DSCAM: variants seen among roughly 807,000 people sequenced by gnomAD.
DSCAM encodes DS cell adhesion molecule, also known as cell adhesion molecule DSCAM.
In DSCAM, 47 loss-of-function variants were observed where a neutral mutation model predicts 217.7. The observed-to-expected ratio is 0.22, with a 90% CI of 0.17 to 0.28. The LOEUF (loss-of-function observed/expected upper bound fraction) is 0.28. Among genes scored for constraint, DSCAM ranks in the 10% least tolerant of loss-of-function variants. The pLI is 1.00. For missense variants in DSCAM, 2,080 were observed against 2,618.3 expected (o/e 0.79, Z 4.49); for synonymous variants, 1,056 against 1,015.3 (o/e 1.04, Z -0.76).
chr21:40,533,677 C>G (rs1422283118), intron 3 of DSCAM, among the ~76,000 whole-genome samples: 1 of 149,492 alleles, frequency 6.7e-6, no homozygotes, highest in Non-Finnish European at 1.5e-5. Context: ...ATCCATCTGT[C>G]CATCCATCCA....
chr21:40,644,996 G>GA (rs1226402590), intron 3 of DSCAM, among the ~76,000 whole-genome samples: 11 of 152,130 alleles, frequency 7.2e-5, no homozygotes, highest in African/African-American at 2.6e-4. Context: ...AAAGATTCAA[G>GA]AAAAAAACAC....
At chr21:40,485,294 G>T (rs1316687670) in intron 3 of DSCAM, among the ~76,000 whole-genome samples, 1 of 144,368 alleles carries the variant, frequency 6.9e-6, no homozygotes, top group Non-Finnish European at 1.5e-5. Flanking sequence ...GCTGGAGTGA[G>T]TGCAGTGGCG....
intron 1 of DSCAM, among the ~76,000 whole-genome samples, chr21:40,824,036 G>A (rs553443351): frequency 3.9e-5 from 6 of 152,080 alleles, no homozygotes; most frequent in South Asian, 2.1e-4. Context: ...TTAGTTTAAC[G>A]GTAAACTCAC....
chr21:40,575,972 A>G (rs1261680148), intron 3 of DSCAM, among the ~76,000 whole-genome samples: 2 of 152,238 alleles, frequency 1.3e-5, no homozygotes, highest in Admixed American at 1.3e-4. Context: ...GTTAAAATTT[A>G]AAATACTGTT....
At chr21:40,697,821 G>A (rs764608224) in intron 2 of DSCAM, among the ~76,000 whole-genome samples, 3 of 152,124 alleles carry the variant, frequency 2.0e-5, no homozygotes, top group Non-Finnish European at 4.4e-5. Flanking sequence ...GCATTTCGGA[G>A]TCTTTTGTGG....
rs531298248 is a variant in DSCAM at position 40,233,042 on chromosome 21, T to C, written c.2356+43055A>G. On this transcript the variant is annotated intron_variant, in intron 11 of 32. Coordinates refer to ENST00000400454, the MANE Select transcript of DSCAM (RefSeq NM_001389.5). Reference sequence around the variant, plus strand: ...TAATCAAAAATCTCTTCACGTGAGATAACGGAGAGGATCAGAAAAAACACC... The same window carrying C: ...TAATCAAAAATCTCTTCACGTGAGACAACGGAGAGGATCAGAAAAAACACC... Among the ~76,000 whole-genome samples the C allele has an allele frequency of 3.4e-3, 514 of 152,244 alleles. 3 individuals carry two copies. The highest frequency in any genetic ancestry group is 0.011 in the African/African-American group (466 of 41,564).
At chr21:40,559,319 G>A (rs1055299317) in intron 3 of DSCAM, among the ~76,000 whole-genome samples, 31 of 151,994 alleles carry the variant, frequency 2.0e-4, no homozygotes, top group African/African-American at 7.5e-4. Flanking sequence ...TTAGCCGGGC[G>A]CGGTGGCGGG....
intron 8 of DSCAM, among the ~76,000 whole-genome samples, chr21:40,333,218 T>C (rs2074394996): frequency 6.6e-6 from 1 of 152,242 alleles, no homozygotes; most frequent in Non-Finnish European, 1.5e-5. Context: ...TCCTAAAATT[T>C]AGCTAATTTC....
intron 3 of DSCAM, among the ~76,000 whole-genome samples, chr21:40,414,240 G>A (rs2075349644): frequency 6.6e-6 from 1 of 152,114 alleles, no homozygotes; most frequent in African/African-American, 2.4e-5. Context: ...TATGATAAGG[G>A]ACCGGTATCT....
chr21:40,143,829 G>A (rs917617640), intron 17 of DSCAM, among the ~76,000 whole-genome samples: 1 of 152,176 alleles, frequency 6.6e-6, no homozygotes, highest in Non-Finnish European at 1.5e-5. Flanking sequence ...CTGCACAAGA[G>A]GTAAATGTAG....
At chr21:40,433,272 T>C (rs8133661) in intron 3 of DSCAM, among the ~76,000 whole-genome samples, 105,395 of 149,902 alleles carry the variant, frequency 0.7, 37,377 homozygotes, top group Middle Eastern at 0.81. Context: ...TTGCTTGAAC[T>C]CGGGAGGTGG....
At chr21:40,292,307 G>C (rs1222600481) in intron 10 of DSCAM, among the ~76,000 whole-genome samples, 1 of 150,992 alleles carries the variant, frequency 6.6e-6, no homozygotes, top group Non-Finnish European at 1.5e-5. Flanking sequence ...ATCTCTCAAG[G>C]AAACAAGCTG....
intron 10 of DSCAM, among the ~76,000 whole-genome samples, chr21:40,286,656 T>C (rs558794505): frequency 7.1e-6 from 1 of 141,208 alleles, no homozygotes; most frequent in Admixed American, 6.8e-5. Flanking sequence ...ATGTACAACC[T>C]GCAGTGTGTT....
chr21:40,834,179 C>T (rs146086501), intron 1 of DSCAM, among the ~76,000 whole-genome samples: 7,111 of 151,720 alleles, frequency 0.047, 219 homozygotes, highest in Non-Finnish European at 0.078. Context: ...GAGGCCGAGG[C>T]GGGCGGATCA....
At chr21:40,817,456 G>C (rs1298386211) in intron 1 of DSCAM, among the ~76,000 whole-genome samples, 1 of 152,196 alleles carries the variant, frequency 6.6e-6, no homozygotes, top group Non-Finnish European at 1.5e-5. Context: ...AAGGGAAGCA[G>C]GATGAAATCC....
At position 40,353,454 on chromosome 21, in the gene DSCAM, G is replaced by A. The variant is rs758645577; in HGVS notation, c.934+11C>T. On this transcript the variant is annotated intron_variant, in intron 5 of 32. Coordinates refer to ENST00000400454, the MANE Select transcript of DSCAM (RefSeq NM_001389.5). ...GCCAACACCACCTTTGCAAGTTACC[G>A]TCCAACTTACGTTTCACGTACAGGC... is the stretch of plus-strand genomic sequence containing the variant. 1.4e-5 allele frequency: 22 copies of A among 1,595,482 alleles called. No homozygotes were observed. In the East Asian group the frequency reaches 1.6e-4, roughly 11 times the overall value.
intron 13 of DSCAM, 51 bp downstream of exon 13, chr21:40,187,840 C>T: frequency 6.7e-7 from 1 of 1,484,266 alleles, no homozygotes; most frequent in Non-Finnish European, 9.4e-7. Flanking sequence ...GAGCATACAG[C>T]TCCCATCCTG....
chr21:40,789,846 T>C (rs934229625), intron 1 of DSCAM, among the ~76,000 whole-genome samples: 1 of 152,150 alleles, frequency 6.6e-6, no homozygotes, highest in Non-Finnish European at 1.5e-5. Flanking sequence ...TGAGCCACCG[T>C]GCCCGGCCTC....
chr21:40,586,771 C>T (rs2076950086), intron 3 of DSCAM, among the ~76,000 whole-genome samples: 2 of 152,186 alleles, frequency 1.3e-5, no homozygotes, highest in African/African-American at 4.8e-5. Flanking sequence ...CACTACCCTG[C>T]CATGTCAATA....
Sources: allele counts gnomAD v4.1 joint callset (sites outside exome capture counted in the v4.1 genomes callset), GRCh38; gene constraint gnomAD v4.1.1; transcripts MANE v1.5; gene names NCBI Gene and HGNC (gene_info 2026-07-23, HGNC 2026-07-21).